The following NHS variants were observed in gnomAD, a reference collection of about 807,000 sequenced individuals.
NHS encodes the protein NHS actin remodeling regulator, also known as actin remodeling regulator NHS.
NHS carries 5 observed loss-of-function variants against 72.5 expected under a neutral mutation model. The observed-to-expected ratio is 0.07, with a 90% CI of 0.04 to 0.14. NHS has a LOEUF of 0.14. Ranked by LOEUF, NHS falls within the 10% of genes least tolerant of loss-of-function variation. The pLI, the probability that NHS is intolerant of heterozygous loss-of-function variation, is 1.00. For synonymous variants in NHS, 464 were observed against 547.7 expected (o/e 0.85, Z 2.13); for missense variants, 1,072 against 1,355.7 (o/e 0.79, Z 3.29).
intron 1 of NHS, among the ~76,000 whole-genome samples, chrX:17,573,991 C>T (rs1242335545): frequency 9.0e-6 from 1 of 111,637 alleles, no homozygotes; most frequent in African/African-American, 3.3e-5. Flanking sequence ...CCCTGTTTGC[C>T]TGGGTTTCAC....
At chrX:17,622,298 G>C (rs1022364948) in intron 1 of NHS, among the ~76,000 whole-genome samples, 2 of 112,638 alleles carry the variant, frequency 1.8e-5, no homozygotes, top group Non-Finnish European at 3.7e-5. Flanking sequence ...GGCTTTAAAA[G>C]CCATTGGCAA....
At chrX:17,519,857 T>C (rs1457638871) in intron 1 of NHS, among the ~76,000 whole-genome samples, 2 of 110,799 alleles carry the variant, frequency 1.8e-5, no homozygotes, top group Non-Finnish European at 3.8e-5. Flanking sequence ...TCATTTAAAA[T>C]AAGGATGTAG....
At chrX:17,613,239 G>A (rs2065719620) in intron 1 of NHS, among the ~76,000 whole-genome samples, 1 of 110,684 alleles carries the variant, frequency 9.0e-6, no homozygotes, top group Non-Finnish European at 1.9e-5. Context: ...CGGATATGGT[G>A]GCAGGTACCT....
At chrX:17,695,220 A>G (rs2066220696) in intron 3 of NHS, among the ~76,000 whole-genome samples, 1 of 112,208 alleles carries the variant, frequency 8.9e-6, no homozygotes, top group African/African-American at 3.2e-5. Context: ...TTTTACATCT[A>G]GGAATTCACC....
chrX:17,665,306 T>C (rs1464458907), intron 1 of NHS, among the ~76,000 whole-genome samples: 1 of 105,326 alleles, frequency 9.5e-6, no homozygotes, highest in Non-Finnish European at 1.9e-5. Flanking sequence ...CCATTAAGTA[T>C]ATTACCTATA....
chrX:17,624,818 G>C (rs921117101), intron 1 of NHS, among the ~76,000 whole-genome samples: 1 of 112,480 alleles, frequency 8.9e-6, no homozygotes, highest in Non-Finnish European at 1.9e-5. Flanking sequence ...GGTCACAGTA[G>C]CAACAAGTGG....
chrX:17,565,436 G>A (rs945554028), intron 1 of NHS, among the ~76,000 whole-genome samples: 1 of 112,438 alleles, frequency 8.9e-6, no homozygotes, highest in African/African-American at 3.2e-5. Flanking sequence ...ACTAGATTTT[G>A]GAATGGCTTG....
At chrX:17,489,502 G>GTTT (rs1167231393) in intron 1 of NHS, among the ~76,000 whole-genome samples, 24 of 110,079 alleles carry the variant, frequency 2.2e-4, no homozygotes, top group Admixed American at 9.6e-4. Flanking sequence ...TGTTGTTGTT[G>GTTT]TTTGAGATGG....
intron 1 of NHS, among the ~76,000 whole-genome samples, chrX:17,423,301 T>A (rs866752327): frequency 0.01 from 1,178 of 112,257 alleles, 15 homozygotes; most frequent in African/African-American, 0.036. Context: ...TGTGCTGTCT[T>A]CATCAATGGT....
chrX:17,516,567 A>ACG (rs1267111849), intron 1 of NHS, among the ~76,000 whole-genome samples: 126 of 83,943 alleles, frequency 1.5e-3, no homozygotes, highest in East Asian at 0.012. Context: ...ACACACACAC[A>ACG]CGCGCACACA....
chrX:17,386,663 C>CAAAAAAAAAAAAAAAAAAAA (rs1184465152), intron 1 of NHS, among the ~76,000 whole-genome samples: 3 of 38,428 alleles, frequency 7.8e-5, no homozygotes, highest in African/African-American at 1.8e-4. Context: ...AACTCTGTCT[C>CAAAAAAAAAAAAAAAAAAAA]AAAAAAAAAA....
At chrX:17,731,817 A>G in intron 8 of NHS, 41 bp from the exon 9 acceptor site, 1 of 1,160,919 alleles carries the variant, frequency 8.6e-7, no homozygotes, top group Non-Finnish European at 1.1e-6. Flanking sequence ...AAAAACGTGA[A>G]CTGAGTGAGA....
intron 1 of NHS, among the ~76,000 whole-genome samples, chrX:17,449,651 A>G (rs899266869): frequency 1.8e-5 from 2 of 112,100 alleles, no homozygotes; most frequent in Admixed American, 1.9e-4. Flanking sequence ...ACTATTGTAG[A>G]AGCAGTGTGA....
intron 1 of NHS, among the ~76,000 whole-genome samples, chrX:17,509,618 C>G (rs375911614): frequency 3.3e-4 from 37 of 112,439 alleles, no homozygotes; most frequent in African/African-American, 1.1e-3. Context: ...TAACAACCAT[C>G]TGAGGTAGCC....
At chrX:17,720,448 A>T (rs2066399388) in intron 4 of NHS, among the ~76,000 whole-genome samples, 1 of 112,550 alleles carries the variant, frequency 8.9e-6, no homozygotes, top group Non-Finnish European at 1.9e-5. Context: ...TTTTATACAG[A>T]TACCCACCTT....
chrX:17,635,613 T>C (rs2065842250), intron 1 of NHS: 1 of 1,165,853 alleles, frequency 8.6e-7, no homozygotes, highest in Non-Finnish European at 1.1e-6. Flanking sequence ...ATTTGGGGTT[T>C]GCAGCATTTC....
rs752475123 is a variant in NHS, at chrX:17,679,401, A to C, written c.566-8341A>C. 4.1e-4 allele frequency among the ~76,000 whole-genome samples: 46 copies of C among 111,696 alleles called. 1 individual carries two copies. Among genetic ancestry groups the C allele is most frequent in the African/African-American group, 1.5e-3 (45 of 30,750 alleles). ...ATTAACAAGTAACAAAAGCAATCAAACACATTTCCTTCAAGAATTTACATG... is the reference window on the plus strand; with the variant it reads ...ATTAACAAGTAACAAAAGCAATCAACCACATTTCCTTCAAGAATTTACATG... On this transcript the variant is annotated intron_variant, in intron 1 of 8. Coordinates refer to ENST00000676302, the MANE Select transcript of NHS (RefSeq NM_001291867.2).
chrX:17,568,247 T>A (rs2065455574), intron 1 of NHS, among the ~76,000 whole-genome samples: 1 of 111,995 alleles, frequency 8.9e-6, no homozygotes, highest in African/African-American at 3.2e-5. Context: ...GCCATCCAGG[T>A]GAGCTGTCCC....
At chrX:17,544,981 C>A (rs918612862) in intron 1 of NHS, among the ~76,000 whole-genome samples, 5 of 112,604 alleles carry the variant, frequency 4.4e-5, no homozygotes, top group Non-Finnish European at 9.4e-5. Flanking sequence ...ATAGATTTAC[C>A]TATGTGAGGC....
Sources: allele counts gnomAD v4.1 joint callset (sites outside exome capture counted in the v4.1 genomes callset), GRCh38; gene constraint gnomAD v4.1.1; transcripts MANE v1.5; gene names NCBI Gene and HGNC (gene_info 2026-07-23, HGNC 2026-07-21).